IL19: variants seen among roughly 807,000 people sequenced by gnomAD.
IL19 encodes the protein interleukin-19.
In IL19, 15 loss-of-function variants were observed where a neutral mutation model predicts 19.5. The observed-to-expected ratio is 0.77, with a 90% CI of 0.52 to 1.19. The LOEUF (loss-of-function observed/expected upper bound fraction) is 1.19. Ranked by LOEUF, IL19 falls within the 50% of genes most tolerant of loss-of-function variation. The pLI, the probability that IL19 is intolerant of heterozygous loss-of-function variation, is 0.00. For synonymous variants in IL19, 78 were observed against 78.3 expected, an observed-to-expected ratio of 1.00 and a Z score of 0.02; for missense variants, 199 against 213.1, an observed-to-expected ratio of 0.93 and a Z score of 0.41.
rs867577670 is a variant in IL19 at position 206,801,169 on chromosome 1, T to A, written c.-3+2163T>A. ...CAAAGAAAGTTGTCCATTCGTAGTT[T>A]AAAAAAAAAAAAAAACCACAGATGT... On this transcript the variant is annotated intron_variant, in intron 2 of 6. Coordinates refer to ENST00000659997, the MANE Select transcript of IL19 (RefSeq NM_153758.5). Among the ~76,000 whole-genome samples, 122 of 144,896 alleles carry A rather than the reference T, an allele frequency of 8.4e-4. 1 individual carries two copies. The South Asian group carries it at 9.9e-3, about 12-fold the overall frequency.
intron 1 of IL19, among the ~76,000 whole-genome samples, chr1:206,784,533 A>G (rs941046445): frequency 3.9e-5 from 6 of 152,124 alleles, no homozygotes; most frequent in African/African-American, 1.2e-4. Context: ...CCTTCTCGCA[A>G]TCCTGGCCCC....
At chr1:206,825,512 G>C (rs1315671482) in intron 2 of IL19, among the ~76,000 whole-genome samples, 1 of 152,158 alleles carries the variant, frequency 6.6e-6, no homozygotes, top group Non-Finnish European at 1.5e-5. Flanking sequence ...GACGAAAAAA[G>C]ACTGTAATTC....
At chr1:206,781,740 C>T (rs1300803153) in intron 1 of IL19, among the ~76,000 whole-genome samples, 3 of 151,390 alleles carry the variant, frequency 2.0e-5, no homozygotes, top group East Asian at 1.9e-4. Context: ...TCCAGCCTTG[C>T]CCCCGGTTCC....
chr1:206,773,107 T>G (rs1372758879), intron 1 of IL19, among the ~76,000 whole-genome samples: 1 of 152,120 alleles, frequency 6.6e-6, no homozygotes, highest in Non-Finnish European at 1.5e-5. Context: ...TTACCCCGAT[T>G]TCATTAGGAT....
At chr1:206,835,726 T>C (rs1390436046) in intron 2 of IL19, among the ~76,000 whole-genome samples, 3 of 152,228 alleles carry the variant, frequency 2.0e-5, no homozygotes, top group Admixed American at 6.5e-5. Flanking sequence ...TCTCGTCACA[T>C]GTGTTGTCAT....
chr1:206,824,216 G>A lies in IL19; in HGVS notation c.-2-12445G>A, dbSNP rs79798148. 3.0e-3 allele frequency among the ~76,000 whole-genome samples: 460 copies of A among 152,326 alleles called. 16 individuals are homozygous for A. The East Asian group carries it at 0.075, about 25-fold the overall frequency. On this transcript the variant is annotated intron_variant, in intron 2 of 6. Transcript: ENST00000659997. ...GGACGGAGTTAAGAAGCCTAGGTAG[G>A]CTGAGTTCTAGCTCTAGCTGGCTGC... is the stretch of plus-strand genomic sequence containing the variant.
intron 2 of IL19, among the ~76,000 whole-genome samples, chr1:206,833,549 G>GT (rs1482528744): frequency 6.6e-6 from 1 of 152,242 alleles, no homozygotes; most frequent in Non-Finnish European, 1.5e-5. Context: ...GGAAGAAACT[G>GT]TTTATACCCT....
At chr1:206,816,967 G>A (rs1280005956) in intron 2 of IL19, among the ~76,000 whole-genome samples, 1 of 152,152 alleles carries the variant, frequency 6.6e-6, no homozygotes, top group African/African-American at 2.4e-5. Flanking sequence ...AACTGAAACT[G>A]TGCACCAAAG....
At chr1:206,795,912 A>G (rs1366226209) in intron 1 of IL19, among the ~76,000 whole-genome samples, 1 of 138,576 alleles carries the variant, frequency 7.2e-6, no homozygotes, top group East Asian at 2.0e-4. Context: ...AAACAGAACC[A>G]ATATAAATAT....
chr1:206,788,437 G>A (rs959561700), intron 1 of IL19, among the ~76,000 whole-genome samples: 11 of 152,016 alleles, frequency 7.2e-5, no homozygotes, highest in African/African-American at 1.9e-4. Context: ...TTATAGTAGC[G>A]CAAAATAAGG....
intron 1 of IL19, among the ~76,000 whole-genome samples, chr1:206,777,890 A>T (rs1163854542): frequency 6.6e-6 from 1 of 152,256 alleles, no homozygotes; most frequent in East Asian, 1.9e-4. Context: ...CTCCTAGGAC[A>T]GAGGCTTCCT....
chr1:206,836,201 T>G (rs1405921188), intron 2 of IL19, among the ~76,000 whole-genome samples: 1 of 152,226 alleles, frequency 6.6e-6, no homozygotes. Flanking sequence ...AAAAGGGTGT[T>G]ACTTATTTCA....
At chr1:206,818,159 A>C (rs1676210236) in intron 2 of IL19, among the ~76,000 whole-genome samples, 1 of 152,254 alleles carries the variant, frequency 6.6e-6, no homozygotes, top group Non-Finnish European at 1.5e-5. Flanking sequence ...TAACACTGTC[A>C]ACCAAGTTGG....
At chr1:206,796,673 C>CCT (rs1675533522) in intron 1 of IL19, among the ~76,000 whole-genome samples, 1 of 152,194 alleles carries the variant, frequency 6.6e-6, no homozygotes, top group Admixed American at 6.5e-5. Flanking sequence ...TCATGCTGTA[C>CCT]AGGTTTGTAG....
chr1:206,839,586 A>G (rs1232310816), intron 4 of IL19, among the ~76,000 whole-genome samples: 2 of 152,302 alleles, frequency 1.3e-5, no homozygotes, highest in Non-Finnish European at 1.5e-5. Context: ...GAATTAGCCT[A>G]TGATGGATTC....
rs188753494 is a variant in IL19, at chr1:206,842,800, T to C, written c.*178T>C. 3.2e-4 allele frequency: 175 copies of C among 544,774 alleles called. No homozygotes were observed. In the East Asian group the frequency reaches 4.9e-3, roughly 15 times the overall value. The allele number at this position is 544,774 out of a possible 1,614,324, so 33.7% of individuals were successfully genotyped here. A position where few individuals can be genotyped will look rare whatever the true frequency, so the allele number is the denominator to read the frequency against. On this transcript the variant is annotated 3_prime_UTR_variant, in exon 7 of 7. Transcript: ENST00000659997. ...AATAGCCAAAAAGTCTACTGTGGTA[T>C]TTGTAATAAACTCTATCTGCTGAAA...
rs999998086 is a variant in IL19, at chr1:206,813,368, CT to C, written c.-3+14371del. Reference sequence around the variant, plus strand: ...CCCCAGAGAAGCTCCTTCATCATAACTTTTTTTTTCCCTTGTAGCAGCAGCT... The same window carrying C: ...CCCCAGAGAAGCTCCTTCATCATAACTTTTTTTTCCCTTGTAGCAGCAGCT... On this transcript the variant is annotated intron_variant, in intron 2 of 6. Transcript: ENST00000659997. Among the ~76,000 whole-genome samples, 640 of 151,910 alleles carry C rather than the reference CT, an allele frequency of 4.2e-3. 4 individuals carry two copies. The highest frequency in any genetic ancestry group is 0.015 in the African/African-American group (609 of 41,426).
intron 1 of IL19, chr1:206,772,311 C>T (rs767158016): frequency 4.3e-6 from 7 of 1,614,074 alleles, no homozygotes; most frequent in South Asian, 3.3e-5. Context: ...TCGGAGATCT[C>T]GAAGCATGTT....
intron 2 of IL19, among the ~76,000 whole-genome samples, chr1:206,833,009 G>A (rs184805233): frequency 6.6e-6 from 1 of 152,222 alleles, no homozygotes; most frequent in East Asian, 1.9e-4. Flanking sequence ...AGCCCAGTGG[G>A]GTCTCATAAT....
Sources: allele counts gnomAD v4.1 joint callset (sites outside exome capture counted in the v4.1 genomes callset), GRCh38; gene constraint gnomAD v4.1.1; transcripts MANE v1.5; gene names NCBI Gene and HGNC (gene_info 2026-07-23, HGNC 2026-07-21).